NTNG1: variants seen among roughly 807,000 people sequenced by gnomAD.
NTNG1 encodes the protein netrin G1.
A neutral mutation model predicts 54.0 loss-of-function variants in NTNG1; 16 were observed. The ratio of observed to expected loss-of-function variants is 0.30; its 90% confidence interval spans 0.20 to 0.45. The LOEUF (loss-of-function observed/expected upper bound fraction) is 0.45, where lower values mean the gene tolerates loss of function less well. Ranked by LOEUF, NTNG1 falls within the 20% of genes least tolerant of loss-of-function variation. NTNG1 has a pLI of 1.00. For missense variants in NTNG1, 530 were observed against 678.7 expected (o/e 0.78, Z 2.43); for synonymous variants, 255 against 263.1 (o/e 0.97, Z 0.30).
chr1:107,171,039 A>G (rs1296796209), intron 2 of NTNG1, among the ~76,000 whole-genome samples: 10 of 152,126 alleles, frequency 6.6e-5, no homozygotes, highest in Admixed American at 6.6e-4. Flanking sequence ...GTATGTGGTA[A>G]AATCAGATTG....
At chr1:107,402,960 C>A (rs1465426087) in intron 4 of NTNG1, among the ~76,000 whole-genome samples, 1 of 152,068 alleles carries the variant, frequency 6.6e-6, no homozygotes, top group African/African-American at 2.4e-5. Flanking sequence ...TGATGAAAAG[C>A]CGCTGAATCT....
intron 2 of NTNG1, among the ~76,000 whole-genome samples, chr1:107,192,146 C>G (rs1455381794): frequency 1.3e-5 from 2 of 152,120 alleles, no homozygotes; most frequent in African/African-American, 4.8e-5. Context: ...TCCTTGACAT[C>G]CCTTGTAAGT....
At chr1:107,189,832 A>G (rs7555709) in intron 2 of NTNG1, among the ~76,000 whole-genome samples, 7,508 of 105,354 alleles carry the variant, frequency 0.071, 530 homozygotes, top group African/African-American at 0.19. Context: ...AAAAAAAAAA[A>G]GGGGGGGGCC....
At chr1:107,259,101 A>ATG (rs1663126761) in intron 2 of NTNG1, among the ~76,000 whole-genome samples, 1 of 152,230 alleles carries the variant, frequency 6.6e-6, no homozygotes, top group Non-Finnish European at 1.5e-5. Flanking sequence ...GGCTTAAGAA[A>ATG]TACACTGTAA....
intron 2 of NTNG1, among the ~76,000 whole-genome samples, chr1:107,210,197 T>G (rs1659509110): frequency 6.6e-6 from 1 of 152,104 alleles, no homozygotes; most frequent in Non-Finnish European, 1.5e-5. Context: ...GGTTTTACCC[T>G]GAACACAATA....
At chr1:107,418,095 T>C (rs1674337109) in intron 5 of NTNG1, among the ~76,000 whole-genome samples, 2 of 152,012 alleles carry the variant, frequency 1.3e-5, no homozygotes, top group African/African-American at 4.8e-5. Context: ...AAATAGGAAA[T>C]ATATCCACTC....
chr1:107,256,165 A>G (rs992607582), intron 2 of NTNG1, among the ~76,000 whole-genome samples: 3 of 152,166 alleles, frequency 2.0e-5, no homozygotes, highest in Non-Finnish European at 4.4e-5. Context: ...GAGGAAAATG[A>G]CATTATTGAT....
chr1:107,432,360 C>T lies in NTNG1; in HGVS notation c.1255+1443C>T, dbSNP rs984873070. On this transcript the variant is annotated intron_variant, in intron 6 of 7. Transcript: ENST00000370068. The stretch of plus-strand genomic sequence containing the variant: ...ATTGAGAAAAGTAAGGCAGATTGAC[C>T]CAAATCTTACAGCAAAGGGTTTCTG... Among the ~76,000 whole-genome samples, 3 of 152,200 alleles carry T rather than the reference C, an allele frequency of 2.0e-5. No individual in the cohort carries two copies. In the South Asian group the frequency reaches 6.2e-4, roughly 32 times the overall value.
At chr1:107,438,780 T>C (rs966664913) in intron 7 of NTNG1, among the ~76,000 whole-genome samples, 1 of 152,154 alleles carries the variant, frequency 6.6e-6, no homozygotes, top group Admixed American at 6.5e-5. Flanking sequence ...CTATATTCAT[T>C]ATTGGAGTAT....
intron 7 of NTNG1, among the ~76,000 whole-genome samples, chr1:107,479,137 G>A (rs781246151): frequency 6.6e-6 from 1 of 152,134 alleles, no homozygotes; most frequent in South Asian, 2.1e-4. Flanking sequence ...AATACACTAC[G>A]CAACCGTGTT....
At chr1:107,435,249 CT>C (rs1675525647) in intron 6 of NTNG1, among the ~76,000 whole-genome samples, 2 of 151,924 alleles carry the variant, frequency 1.3e-5, no homozygotes, top group South Asian at 4.1e-4. Flanking sequence ...ACATTAAAAG[CT>C]TTCACAAAAT....
At chr1:107,384,525 A>T (rs1671845212) in intron 3 of NTNG1, among the ~76,000 whole-genome samples, 1 of 152,192 alleles carries the variant, frequency 6.6e-6, no homozygotes. Context: ...TTCCCAGAGG[A>T]AACTGCATAG....
intron 7 of NTNG1, among the ~76,000 whole-genome samples, chr1:107,463,773 C>G (rs1430285482): frequency 6.6e-6 from 1 of 152,030 alleles, no homozygotes; most frequent in Non-Finnish European, 1.5e-5. Context: ...CCTTAGGAGT[C>G]ATTTCCATAT....
chr1:107,312,049 A>G (rs1009934343), intron 2 of NTNG1, among the ~76,000 whole-genome samples: 15 of 152,200 alleles, frequency 9.9e-5, no homozygotes, highest in Non-Finnish European at 1.5e-4. Flanking sequence ...ATACAGTCAG[A>G]TTTCGGTTGT....
At chr1:107,356,418 C>T (rs147953474) in intron 3 of NTNG1, among the ~76,000 whole-genome samples, 195 of 152,090 alleles carry the variant, frequency 1.3e-3, no homozygotes, top group African/African-American at 4.4e-3. Context: ...CTCAGCCTCC[C>T]GAGTAGCTGC....
chr1:107,174,209 TTCTTTATAACAATCCTATAAGGTA>T (rs1401135717), intron 2 of NTNG1, among the ~76,000 whole-genome samples: 2 of 152,134 alleles, frequency 1.3e-5, no homozygotes, highest in African/African-American at 4.8e-5. Context: ...TTTATTTCTG[TTCTTTATAACAATCCTATAAGGTA>T]TCTATTGCCC....
At chr1:107,196,903 A>G (rs1448563234) in intron 2 of NTNG1, among the ~76,000 whole-genome samples, 4 of 151,896 alleles carry the variant, frequency 2.6e-5, no homozygotes, top group Non-Finnish European at 5.9e-5. Context: ...TAATAGTGTC[A>G]GACTAAGAGC....
intron 2 of NTNG1, among the ~76,000 whole-genome samples, chr1:107,306,556 G>T (rs979315324): frequency 1.3e-5 from 2 of 152,130 alleles, no homozygotes; most frequent in African/African-American, 2.4e-5. Context: ...TTCAAAACTA[G>T]CCTGGCCAAG....
intron 2 of NTNG1, chr1:107,261,033 A>G (rs570030221): frequency 6.1e-4 from 93 of 152,350 alleles, no homozygotes; most frequent in African/African-American, 2.0e-3. Context: ...ACATCTGAAG[A>G]GTTGTACAGT....
Sources: allele counts gnomAD v4.1 joint callset (sites outside exome capture counted in the v4.1 genomes callset), GRCh38; gene constraint gnomAD v4.1.1; transcripts MANE v1.5; gene names NCBI Gene and HGNC (gene_info 2026-07-23, HGNC 2026-07-21).